Variants in TTN observed in about 807,000 individuals in gnomAD.
TTN encodes titin.
A neutral mutation model predicts 3,223.0 loss-of-function variants in TTN; 1,525 were observed. The ratio of observed to expected loss-of-function variants is 0.47; its 90% CI spans 0.45 to 0.49. The LOEUF (loss-of-function observed/expected upper bound fraction) is 0.49, where lower values mean the gene tolerates loss of function less well. TTN is among the 20% of genes least tolerant of loss of function. The pLI is 0.00. For synonymous variants in TTN, 14,094 were observed against 15,161.0 expected (o/e 0.93, Z 5.17); for missense variants, 40,786 against 43,424.0 (o/e 0.94, Z 5.40).
chr2:178,545,648 T>C lies in TTN; in HGVS notation c.95462A>G (p.Lys31821Arg), dbSNP rs372388579. ...PGIPEEVGTG[K>R]EHIIIQWTKP... ...TGTCCACTGAATGATGATATGCTCT[T>C]TGCCAGTCCCAACTTCTTCAGGTAT... The change falls in exon 344 of 363, where the codon AAA (lysine) becomes AGA (arginine). Residue 31821 changes from lysine to arginine, a missense_variant. Lys to Arg is a conservative substitution (Grantham distance 26). Coordinates refer to ENST00000589042, the MANE Select transcript of TTN (RefSeq NM_001267550.2). The C allele has an allele frequency of 1.2e-5, 19 of 1,613,658 alleles. No individual in the cohort carries two copies. The African/African-American group carries it at 2.5e-4, about 22-fold the overall frequency.
Position 178,572,577 on chromosome 2 carries a change from T to G in TTN, c.73555A>C (p.Thr24519Pro). ...SAFVNVRVLD[T>P]PGPPQDLKVK... The stretch of plus-strand genomic sequence containing the variant: ...TTCAGATCCTGTGGGGGGCCTGGTG[T>G]ATCGAGAACTCTAACATTGACAAAT... The change falls in exon 326 of 363, where the codon ACA (threonine) becomes CCA (proline). Residue 24519 changes from threonine to proline, a missense_variant. Thr to Pro is a conservative substitution (Grantham distance 38). Transcript: ENST00000589042. The G allele has an allele frequency of 6.2e-7, 1 of 1,613,452 alleles. No individual in the cohort carries two copies. The highest frequency in any genetic ancestry group is 1.1e-5 in the South Asian group (1 of 91,060).
Position 178,593,351 on chromosome 2 carries a change from T to G in TTN, c.58857A>C (p.Glu19619Asp), listed in dbSNP as rs368026488. Residue 19619 changes from glutamate to aspartate, a missense_variant, in exon 299 of 363, where the codon GAA (glutamate) becomes GAC (aspartate). Transcript: ENST00000589042. ...CTCTAGCCCATCGTTTAGACATAGT[T>G]TCTCTCTTTTCCAGGATGTAGTTTG... ...PITNYILEKR[E>D]TMSKRWARVT... The G allele has an allele frequency of 1.4e-5, 22 of 1,613,254 alleles. No homozygotes were observed. The African/African-American group carries it at 2.9e-4, about 22-fold the overall frequency.
Position 178,558,758 on chromosome 2 carries a change from G to A in TTN, c.86822-121C>T, listed in dbSNP as rs73036370. 7.4e-3 allele frequency: 8,506 copies of A among 1,153,398 alleles called. 418 individuals carry two copies. The African/African-American group carries it at 0.11, about 15-fold the overall frequency. 71.4% of individuals were successfully genotyped at this position (1,153,398 alleles called of 1,614,324 possible). On this transcript the variant is annotated intron_variant, in intron 326 of 362. Transcript: ENST00000589042. ...AGGCCATATTTTTATGTTGATTTTA[G>A]TCTTCCTTTTTACATAACCCATTTT...
rs1315000236 is a variant in TTN at position 178,529,145 on chromosome 2, C to T, written c.106606G>A (p.Val35536Ile). 1 of 1,581,586 alleles carries T rather than the reference C, an allele frequency of 6.3e-7. No individual in the cohort carries two copies. The highest frequency in any genetic ancestry group is 2.2e-5 in the East Asian group (1 of 44,600). ...SEITPQKKAV[V>I]QEEISQKALR... The stretch of plus-strand genomic sequence containing the variant: ...GCTTTTTGGGAAATTTCCTCTTGGA[C>T]AACAGCTTTCTTCTGAGGTGTAATT... The change falls in exon 360 of 363, where the codon GTC (valine) becomes ATC (isoleucine). Residue 35536 changes from valine to isoleucine, a missense_variant. Val to Ile is a conservative substitution (Grantham distance 29, BLOSUM62 3). Coordinates refer to ENST00000589042, the MANE Select transcript of TTN (RefSeq NM_001267550.2).
At chr2:178,667,586 A>G in intron 160 of TTN, 52 bp downstream of exon 160, 1 of 1,579,190 alleles carries the variant, frequency 6.3e-7, no homozygotes, top group Non-Finnish European at 8.6e-7. Context: ...GAGCTTTTTA[A>G]AAGGGGCCAA....
rs1417591772 is a variant in TTN at position 178,563,639 on chromosome 2, C to T, written c.82493G>A (p.Gly27498Asp). The part of the protein sequence containing the change: ...VTWARPVDDG[G>D]TEIEGYILEK... Reference sequence around the variant, plus strand: ...AAGAATGTAGCCCTCAATTTCGGTACCTCCGTCGTCTACTGGGCGTGCCCA... The same window carrying T: ...AAGAATGTAGCCCTCAATTTCGGTATCTCCGTCGTCTACTGGGCGTGCCCA... The change falls in exon 326 of 363, where the codon GGT becomes GAT. Residue 27498 changes from glycine to aspartate, a missense_variant. By Grantham distance (94) the Gly-to-Asp change is moderately conservative. Transcript: ENST00000589042. This position sits in a 1 kb window ranked among gnomAD's most constrained non-coding sequence, Gnocchi z 4.5. 8.7e-6 allele frequency: 14 copies of T among 1,613,600 alleles called. No individual in the cohort carries two copies. The highest frequency in any genetic ancestry group is 1.7e-5 in the Admixed American group (1 of 59,974).
At position 178,530,843 on chromosome 2, in the gene TTN, G is replaced by T. The variant is rs886055220; in HGVS notation, c.105772C>A (p.Pro35258Thr). ...GGTGATACGGCTTTCGGGTGAGAAG[G>T]TTCTGGAGATTTCACTCGTTTTGGA... ...KSPKRVKSPE[P>T]SHPKAVSPTE... The change falls in exon 358 of 363, where the codon CCT becomes ACT. Residue 35258 changes from proline to threonine, a missense_variant. By Grantham distance (38) the Pro-to-Thr change is conservative. Transcript: ENST00000589042. 2 of 1,613,886 alleles carry T rather than the reference G, an allele frequency of 1.2e-6. No individual in the cohort carries two copies. Among genetic ancestry groups the T allele is most frequent in the Admixed American group, 1.7e-5 (1 of 60,008 alleles).
In TTN at chr2:178,721,992, A is replaced by G. The variant is rs1201834558; in HGVS notation, c.22671T>C (p.Pro7557=). 6 of 1,613,586 alleles carry G rather than the reference A, an allele frequency of 3.7e-6. No individual in the cohort carries two copies. In the South Asian group the frequency reaches 5.5e-5, roughly 15 times the overall value. The part of the protein sequence containing the change: ...TWSKDNKEIR[P]GGNYTITCVG... The stretch of plus-strand genomic sequence containing the variant: ...CACATGTGATTGTATAGTTTCCTCC[A>G]GGACGGATCTCCTTGTTATCTTTTG... Residue 7557 remains proline (P), a synonymous_variant, in exon 78 of 363, where the codon CCT becomes CCC. Coordinates refer to ENST00000589042, the MANE Select transcript of TTN (RefSeq NM_001267550.2).
intron 163 of TTN, among the ~76,000 whole-genome samples, chr2:178,666,387 G>A (rs1391638325): frequency 6.6e-6 from 1 of 151,974 alleles, no homozygotes; most frequent in East Asian, 1.9e-4. Flanking sequence ...GCTATGAGAG[G>A]AGCAAATGAA....
At position 178,702,518 on chromosome 2, in the gene TTN, G is replaced by A. The variant is rs2075189589; in HGVS notation, c.30369C>T (p.Tyr10123=). Residue 10123 remains tyrosine (Y), a synonymous_variant, in exon 107 of 363, where the codon TAC becomes TAT. Transcript: ENST00000589042. ...GGCAGCGGCCATCATTCCTGAAGTT[G>A]TATTTCTGGCTCTCTGTCAGTTCTG... ...GPTELTESQK[Y]NFRNDGRCHY... The A allele has an allele frequency of 6.2e-7, 1 of 1,613,960 alleles. No homozygotes were observed.
chr2:178,632,203 G>C lies in TTN; in HGVS notation c.43691C>G (p.Ser14564Cys), dbSNP rs377015571. 21 of 1,608,672 alleles carry C rather than the reference G, an allele frequency of 1.3e-5. No homozygotes were observed. Among genetic ancestry groups the C allele is most frequent in the Middle Eastern group, 1.6e-4 (1 of 6,062 alleles). The change falls in exon 236 of 363, where the codon TCC (serine) becomes TGC (cysteine). Residue 14564 changes from serine to cysteine, a missense_variant. Physicochemically the swap from Ser to Cys is moderately radical, Grantham distance 112. Coordinates refer to ENST00000589042, the MANE Select transcript of TTN (RefSeq NM_001267550.2). ...CCCCATAGCTTCTACTCTAATTTGGGAGGTGTCATCAATAGACAGGTCTTT... is the reference window on the plus strand; with the variant it reads ...CCCCATAGCTTCTACTCTAATTTGGCAGGTGTCATCAATAGACAGGTCTTT... ...TFKDLSIDDT[S>C]QIRVEAMGMS...
At chr2:178,685,176 G>T in intron 129 of TTN, 77 bp downstream of exon 129, 1 of 1,295,042 alleles carries the variant, frequency 7.7e-7, no homozygotes, top group South Asian at 1.4e-5. Flanking sequence ...TTATGCATAA[G>T]ACAGTTATGC....
At chr2:178,623,118 C>G (rs1043947395) in intron 242 of TTN, among the ~76,000 whole-genome samples, 3 of 151,886 alleles carry the variant, frequency 2.0e-5, no homozygotes, top group South Asian at 4.1e-4. Flanking sequence ...AAGGAAACTT[C>G]AGACACCAGT....
At chr2:178,767,246 A>C (rs2090621159) in intron 40 of TTN, among the ~76,000 whole-genome samples, 1 of 152,222 alleles carries the variant, frequency 6.6e-6, no homozygotes, top group Non-Finnish European at 1.5e-5. Context: ...TTATGAGGAC[A>C]AGCTCTGTAA....
At position 178,576,463 on chromosome 2, in the gene TTN, T is replaced by G; in HGVS notation, c.69716-47A>C. The G allele has an allele frequency of 6.3e-7, 1 of 1,590,216 alleles. No homozygotes were observed. On this transcript the variant is annotated intron_variant, in intron 325 of 362. Coordinates refer to ENST00000589042, the MANE Select transcript of TTN (RefSeq NM_001267550.2). This position sits in a 1 kb window ranked among gnomAD's most constrained non-coding sequence, Gnocchi z 4.3. The stretch of plus-strand genomic sequence containing the variant: ...AAAAGTATATATTCAGAGTTTGGCT[T>G]TTGGGTAATTTAGATAAAATATTGG...
rs568906533 is a variant in TTN, at chr2:178,768,974, G to A, written c.8903-41C>T. On this transcript the variant is annotated intron_variant, in intron 37 of 362. Transcript: ENST00000589042. ...GAAAAAACACCCAAGGAGACTTTAC[G>A]TAAATATGATGTGGGTTATAACAGG... 30 of 1,608,104 alleles carry A rather than the reference G, an allele frequency of 1.9e-5. 1 individual carries two copies. Among genetic ancestry groups the A allele is most frequent in the South Asian group, 7.7e-5 (7 of 90,758 alleles).
chr2:178,706,114 G>C (rs2075820268), intron 102 of TTN, among the ~76,000 whole-genome samples: 1 of 152,110 alleles, frequency 6.6e-6, no homozygotes, highest in Admixed American at 6.6e-5. Context: ...CATGACTCTT[G>C]AGAGATTCTT....
Position 178,727,749 on chromosome 2 carries a change from T to A in TTN, c.19829A>T (p.Asp6610Val), listed in dbSNP as rs755182614. The A allele has an allele frequency of 6.2e-7, 1 of 1,613,346 alleles. No homozygotes were observed. The highest frequency in any genetic ancestry group is 1.1e-5 in the South Asian group (1 of 91,052). ...AGGACCTGAGACAAGTTCCACATCA[T>A]CCTTAAACCATTTTATTTTAAATGG... The part of the protein sequence containing the change: ...TPPFKIKWFK[D>V]DVELVSGPKC... The change falls in exon 68 of 363, where the codon GAT becomes GTT. Residue 6610 changes from aspartate to valine, a missense_variant. By Grantham distance (152) the Asp-to-Val change is radical. Coordinates refer to ENST00000589042, the MANE Select transcript of TTN (RefSeq NM_001267550.2).
chr2:178,729,214 C>T, intron 64 of TTN, 45 bp from the exon 65 acceptor site: 3 of 1,550,492 alleles, frequency 1.9e-6, no homozygotes, highest in Admixed American at 2.0e-5. Flanking sequence ...CATATTGTAA[C>T]TCCTACCCAT....
Sources: gnomAD v4.1 joint callset for allele counts (sites outside exome capture counted in the v4.1 genomes callset) on GRCh38, gnomAD v4.1.1 for gene constraint, Gnocchi (gnomAD v3.1) non-coding constraint, MANE v1.5 for transcripts, NCBI Gene and HGNC (gene_info 2026-07-23, HGNC 2026-07-21) for gene names.